Variants in NRL observed in about 807,000 individuals in gnomAD.
NRL encodes the protein neural retina leucine zipper.
A neutral mutation model predicts 12.5 loss-of-function variants in NRL; 16 were observed. That is an observed-to-expected ratio of 1.28 (90% CI 0.87 to 1.95). NRL has a LOEUF of 1.95. Among genes scored for constraint, NRL ranks in the 30% most tolerant of loss-of-function variants. The pLI, the probability that NRL is intolerant of heterozygous loss-of-function variation, is 0.00. For synonymous variants in NRL, 142 were observed against 150.9 expected (o/e 0.94, Z 0.43); for missense variants, 314 against 325.8 (o/e 0.96, Z 0.28).
rs1325342569 is a variant in NRL at position 24,094,702 on chromosome 14, T to C, written c.-27-11827A>G. 5 of 1,512,188 alleles carry C rather than the reference T, an allele frequency of 3.3e-6. No individual in the cohort carries two copies. In the East Asian group the frequency reaches 1.0e-4, roughly 31 times the overall value. The allele number at this position is 1,512,188 out of a possible 1,614,324, so 93.7% of individuals were successfully genotyped here. Reference sequence around the variant, plus strand: ...GATCTCTATCTGCCACTCTCAGAACTTCCTCTCTCTCCTCGCTCCTCTCTG... The same window carrying C: ...GATCTCTATCTGCCACTCTCAGAACCTCCTCTCTCTCCTCGCTCCTCTCTG... On this transcript the variant is annotated intron_variant, in intron 1 of 2. Coordinates refer to ENST00000561028, the MANE Select transcript of NRL (RefSeq NM_001354768.3). This position sits in a 1 kb window ranked among gnomAD's most constrained non-coding sequence, Gnocchi z 4.1.
At position 24,094,357 on chromosome 14, in the gene NRL, C is replaced by A; in HGVS notation, c.-27-11482G>T. ...CCTCCTTCCCCGCCTTCCATACCTC[C>A]CCGGCTCCGCTCGGTTCCTGGCCAC... is the stretch of plus-strand genomic sequence containing the variant. On this transcript the variant is annotated intron_variant, in intron 1 of 2. Transcript: ENST00000561028. This position sits in a 1 kb window ranked among gnomAD's most constrained non-coding sequence, Gnocchi z 4.1. The A allele has an allele frequency of 2.6e-6, 4 of 1,515,684 alleles. No individual in the cohort carries two copies. Among genetic ancestry groups the A allele is most frequent in the Non-Finnish European group, 3.6e-6 (4 of 1,126,196 alleles). The allele number at this position is 1,515,684 out of a possible 1,614,324, so 93.9% of individuals were successfully genotyped here. A position where few individuals can be genotyped will look rare whatever the true frequency, so the allele number is the denominator to read the frequency against.
chr14:24,107,241 T>A, intron 1 of NRL, among the ~76,000 whole-genome samples: 1 of 152,352 alleles, frequency 6.6e-6, no homozygotes, highest in Middle Eastern at 3.4e-3. Context: ...CCTTAAAAAT[T>A]ATTTTTATTA....
At chr14:24,103,312 C>A in intron 1 of NRL, 1 of 1,420,390 alleles carries the variant, frequency 7.0e-7, no homozygotes, top group Non-Finnish European at 9.9e-7. Flanking sequence ...CGTCCTCTCT[C>A]CCTTCCTGAG....
chr14:24,107,833 G>A (rs998800591), intron 1 of NRL, among the ~76,000 whole-genome samples: 1 of 152,078 alleles, frequency 6.6e-6, no homozygotes, highest in Non-Finnish European at 1.5e-5. Context: ...TTACCCTATG[G>A]TATTGTTTAT....
At chr14:24,095,787 AG>A (rs1208036159) in intron 1 of NRL, among the ~76,000 whole-genome samples, 2 of 152,206 alleles carry the variant, frequency 1.3e-5, no homozygotes, top group Non-Finnish European at 2.9e-5. Flanking sequence ...GGGCCATGAG[AG>A]GACAGACAAC....
intron 1 of NRL, chr14:24,084,565 G>A: frequency 1.0e-6 from 1 of 985,446 alleles, no homozygotes; most frequent in South Asian, 4.7e-5. Flanking sequence ...AGCCAGACAG[G>A]CACAGCTTCC....
In NRL at chr14:24,094,897, G is replaced by A. The variant is rs1371177057; in HGVS notation, c.-27-12022C>T. Reference sequence around the variant, plus strand: ...CAGAGCCCCCTAAAGAAGGTGGAAGGTTAAATATCCATTCCCGGCCTCTCC... The same window carrying A: ...CAGAGCCCCCTAAAGAAGGTGGAAGATTAAATATCCATTCCCGGCCTCTCC... On this transcript the variant is annotated intron_variant, in intron 1 of 2. Transcript: ENST00000561028. This position sits in a 1 kb window ranked among gnomAD's most constrained non-coding sequence, Gnocchi z 4.1. 8.1e-7 allele frequency: 1 copy of A among 1,237,522 alleles called. No individual in the cohort carries two copies. The highest frequency in any genetic ancestry group is 1.1e-6 in the Non-Finnish European group (1 of 941,716). 76.7% of individuals were successfully genotyped at this position (1,237,522 alleles called of 1,614,324 possible).
At position 24,094,909 on chromosome 14, in the gene NRL, TTCCCGGCCTC is replaced by T. The variant is rs1259187440; in HGVS notation, c.-27-12044_-27-12035del. 1 of 1,159,892 alleles carries T rather than the reference TTCCCGGCCTC, an allele frequency of 8.6e-7. No homozygotes were observed. Among genetic ancestry groups the T allele is most frequent in the Non-Finnish European group, 1.1e-6 (1 of 872,446 alleles). The allele number at this position is 1,159,892 out of a possible 1,614,324, so 71.9% of individuals were successfully genotyped here. On this transcript the variant is annotated intron_variant, in intron 1 of 2. Transcript: ENST00000561028. The surrounding 1 kb of genome is among the most constrained non-coding windows in gnomAD (Gnocchi z 4.1). ...AAGAAGGTGGAAGGTTAAATATCCA[TTCCCGGCCTC>T]TCCCGGACTGGAAGGACTGGAACCT... is the stretch of plus-strand genomic sequence containing the variant.
chr14:24,102,886 CA>C (rs1306819895), intron 1 of NRL: 1 of 1,613,220 alleles, frequency 6.2e-7, no homozygotes, highest in South Asian at 1.1e-5. Context: ...GCCGCAGACC[CA>C]AAGGTAAACA....
At chr14:24,083,373 AG>A (rs34304546) in intron 1 of NRL, among the ~76,000 whole-genome samples, 1 of 152,234 alleles carries the variant, frequency 6.6e-6, no homozygotes, top group Non-Finnish European at 1.5e-5. Flanking sequence ...CAAAGCACTC[AG>A]GGAAGTGCCT....
At chr14:24,099,783 C>T in intron 1 of NRL, 1 of 1,534,336 alleles carries the variant, frequency 6.5e-7, no homozygotes, top group Non-Finnish European at 9.0e-7. Flanking sequence ...GGTCTCCTCT[C>T]TAGTGTTCAC....
intron 1 of NRL, among the ~76,000 whole-genome samples, chr14:24,086,454 G>T (rs1594257967): frequency 6.6e-6 from 1 of 152,170 alleles, no homozygotes; most frequent in African/African-American, 2.4e-5. Context: ...TTCTCTGTGT[G>T]ACTGCCTGGA....
At chr14:24,103,478 A>C in intron 1 of NRL, 1 of 1,522,754 alleles carries the variant, frequency 6.6e-7, no homozygotes, top group Non-Finnish European at 8.8e-7. Context: ...AGTGAGAAGG[A>C]AGATTCCTTA....
chr14:24,091,925 G>A (rs1008972269), intron 1 of NRL, among the ~76,000 whole-genome samples: 17 of 152,144 alleles, frequency 1.1e-4, no homozygotes, highest in Non-Finnish European at 1.6e-4. Context: ...GAGGTCAAGT[G>A]CGGCATTTGA....
In NRL at chr14:24,098,295, C is replaced by T. The variant is rs140683877; in HGVS notation, c.-27-15420G>A. 419 of 1,614,060 alleles carry T rather than the reference C, an allele frequency of 2.6e-4. No homozygotes were observed. In the African/African-American group the frequency reaches 3.7e-3, roughly 14 times the overall value. ...TCTCAGCGGGACACGGTACCACTCC[C>T]GCCTGGTGGGGCCCGTGGGCAGCTG... On this transcript the variant is annotated intron_variant, in intron 1 of 2. Transcript: ENST00000561028.
At position 24,100,071 on chromosome 14, in the gene NRL, C is replaced by T. The variant is rs200869719; in HGVS notation, c.-28+14651G>A. ...GTACCTCTGCCACCACCAATCCCAA[C>T]GCCATGGCTACAATCCAGAGTAACA... On this transcript the variant is annotated intron_variant, in intron 1 of 2. Transcript: ENST00000561028. 4.8e-5 allele frequency: 78 copies of T among 1,612,636 alleles called. 1 individual carries two copies. Among genetic ancestry groups the T allele is most frequent in the African/African-American group, 6.7e-5 (5 of 74,892 alleles).
chr14:24,094,797 G>A lies in NRL; in HGVS notation c.-27-11922C>T, dbSNP rs1490538648. 11 of 1,364,632 alleles carry A rather than the reference G, an allele frequency of 8.1e-6. No homozygotes were observed. The highest frequency in any genetic ancestry group is 1.1e-5 in the Non-Finnish European group (11 of 1,038,206). 84.5% of individuals were successfully genotyped at this position (1,364,632 alleles called of 1,614,324 possible). On this transcript the variant is annotated intron_variant, in intron 1 of 2. Coordinates refer to ENST00000561028, the MANE Select transcript of NRL (RefSeq NM_001354768.3). This position sits in a 1 kb window ranked among gnomAD's most constrained non-coding sequence, Gnocchi z 4.1. ...CCCTCGGACCTCTAACGGGCTCTCA[G>A]CCAGCGCCCCAGGGTACTTCGAGAG...
intron 1 of NRL, chr14:24,110,148 TC>T (rs892456403): frequency 1.3e-5 from 2 of 155,988 alleles, no homozygotes; most frequent in African/African-American, 4.8e-5. Context: ...AGACGGGGTC[TC>T]ATTCTCGCCC....
Position 24,089,074 on chromosome 14 carries a change from G to T in NRL, c.-27-6199C>A, listed in dbSNP as rs530766610. Among the ~76,000 whole-genome samples, 33 of 152,136 alleles carry T rather than the reference G, an allele frequency of 2.2e-4. No individual in the cohort carries two copies. The South Asian group carries it at 2.5e-3, about 11-fold the overall frequency. On this transcript the variant is annotated intron_variant, in intron 1 of 2. Transcript: ENST00000561028. ...CCGCCTCGGCCTCCCAAAGTGCTGG[G>T]ATTACAGGCGTGAGCCACTGCGCCT...
Sources: allele counts gnomAD v4.1 joint callset (sites outside exome capture counted in the v4.1 genomes callset), GRCh38; gene constraint gnomAD v4.1.1; non-coding constraint Gnocchi (gnomAD v3.1); transcripts MANE v1.5; gene names NCBI Gene and HGNC (gene_info 2026-07-23, HGNC 2026-07-21).